MORN1: variants seen among roughly 807,000 people sequenced by gnomAD.
The protein encoded by MORN1 is MORN repeat containing 1.
Under a neutral mutation model 61.9 loss-of-function variants are expected in MORN1, and 67 were observed. The ratio of observed to expected loss-of-function variants is 1.08; its 90% CI spans 0.89 to 1.33. MORN1 has a LOEUF of 1.33. MORN1 is among the 40% of genes most tolerant of loss of function. The probability of loss-of-function intolerance (pLI) is 0.00; values close to 1 mark genes in which losing one functional copy is unlikely to be tolerated. For missense variants in MORN1, 752 were observed against 691.2 expected, an observed-to-expected ratio of 1.09 and a Z score of -0.99; for synonymous variants, 301 against 292.0, an observed-to-expected ratio of 1.03 and a Z score of -0.31.
In MORN1 at chr1:2,385,017, T is replaced by C. The variant is rs773474726; in HGVS notation, c.498A>G (p.Gly166=). The change falls in exon 6 of 14, where the codon GGA becomes GGG. Residue 166 remains glycine (G), a synonymous_variant. Transcript: ENST00000378531. ...CGTCGGCGCAGCGCAGCACCCCGTG[T>C]CCCTGACGCCGGTCCCGGACCCAGT... ...DGDWVRDRRQ[G]HGVLRCADGS... 1 of 1,598,536 alleles carries C rather than the reference T, an allele frequency of 6.3e-7. No homozygotes were observed. The highest frequency in any genetic ancestry group is 1.1e-5 in the South Asian group (1 of 88,654).
intron 6 of MORN1, among the ~76,000 whole-genome samples, chr1:2,381,691 A>C (rs1642374383): frequency 6.6e-6 from 1 of 152,154 alleles, no homozygotes; most frequent in Admixed American, 6.5e-5. Flanking sequence ...TGCAGAATTC[A>C]AGGTTTTACC....
At chr1:2,350,336 T>C (rs2100287988) in intron 10 of MORN1, 1 of 152,208 alleles carries the variant, frequency 6.6e-6, no homozygotes, top group East Asian at 1.9e-4. Flanking sequence ...ACTGAAATAT[T>C]TCATATCAAC....
chr1:2,381,899 T>C (rs549291374), intron 6 of MORN1, among the ~76,000 whole-genome samples: 1 of 152,286 alleles, frequency 6.6e-6, no homozygotes, highest in African/African-American at 2.4e-5. Flanking sequence ...GCCAGTGTGG[T>C]GCCGGGACAG....
At chr1:2,363,966 A>G (rs1641950466) in intron 8 of MORN1, among the ~76,000 whole-genome samples, 1 of 152,098 alleles carries the variant, frequency 6.6e-6, no homozygotes, top group African/African-American at 2.4e-5. Flanking sequence ...TGTGTCAATA[A>G]CCATATTAAA....
intron 8 of MORN1, among the ~76,000 whole-genome samples, chr1:2,370,078 T>C (rs997731340): frequency 2.0e-5 from 3 of 152,214 alleles, no homozygotes; most frequent in Non-Finnish European, 4.4e-5. Context: ...ACTCTCCAAT[T>C]GGAAAACGTG....
intron 8 of MORN1, among the ~76,000 whole-genome samples, chr1:2,360,861 C>G (rs1641878342): frequency 6.6e-6 from 1 of 152,210 alleles, no homozygotes; most frequent in South Asian, 2.1e-4. Flanking sequence ...CGGGGGCAAG[C>G]TTTCAGAAGG....
chr1:2,388,378 G>T, intron 2 of MORN1, 41 bp from the exon 3 acceptor site: 1 of 1,514,590 alleles, frequency 6.6e-7, no homozygotes, highest in Non-Finnish European at 9.2e-7. Flanking sequence ...ACAGTGGTTG[G>T]GTTGACTGCG....
chr1:2,325,605 C>G (rs1355577901), intron 12 of MORN1, among the ~76,000 whole-genome samples: 3 of 151,198 alleles, frequency 2.0e-5, no homozygotes, highest in Non-Finnish European at 4.4e-5. Flanking sequence ...ACCTCCGCCT[C>G]CCAAAGTGCT....
rs563591540 is a variant in MORN1 at position 2,386,056 on chromosome 1, C to T, written c.359-159G>A. The T allele has an allele frequency of 1.9e-4, 124 of 638,172 alleles. 1 individual carries two copies. The highest frequency in any genetic ancestry group is 1.1e-3 in the Admixed American group (45 of 40,824). The allele number at this position is 638,172 out of a possible 1,614,324, so 39.5% of individuals were successfully genotyped here. On this transcript the variant is annotated intron_variant, in intron 4 of 13. Transcript: ENST00000378531. ...CAGGAACATGACAGACCCTCCAGAC[C>T]TGGCTACACAGAGGCCTCAGCACGG...
intron 12 of MORN1, among the ~76,000 whole-genome samples, chr1:2,333,117 G>A (rs541867596): frequency 6.6e-6 from 1 of 152,364 alleles, no homozygotes; most frequent in African/African-American, 2.4e-5. Flanking sequence ...GTGTTGGGGG[G>A]CGTGACTGGG....
intron 10 of MORN1, among the ~76,000 whole-genome samples, chr1:2,342,833 T>TTA (rs1391976720): frequency 8.8e-5 from 11 of 124,580 alleles, no homozygotes; most frequent in South Asian, 5.5e-4. Context: ...ATATTTTATT[T>TTA]TATTTTATAT....
chr1:2,348,291 C>T (rs1389001334), intron 10 of MORN1, among the ~76,000 whole-genome samples: 3 of 152,198 alleles, frequency 2.0e-5, no homozygotes, highest in Non-Finnish European at 4.4e-5. Context: ...ATGGATGCGA[C>T]GCTCATGCCT....
intron 8 of MORN1, among the ~76,000 whole-genome samples, chr1:2,361,144 C>T (rs2100313182): frequency 6.6e-6 from 1 of 152,300 alleles, no homozygotes; most frequent in East Asian, 1.9e-4. Context: ...AAAAATCCAT[C>T]TACTGAAACC....
At chr1:2,335,839 A>AGCCCGGCCCGGCCCGGCCCG (rs534524869) in intron 12 of MORN1, among the ~76,000 whole-genome samples, 2 of 149,972 alleles carry the variant, frequency 1.3e-5, no homozygotes, top group African/African-American at 5.1e-5. Flanking sequence ...AGCCCAGCCC[A>AGCCCGGCCCGGCCCGGCCCG]GCCCAGCGCG....
At position 2,357,553 on chromosome 1, in the gene MORN1, C is replaced by T; in HGVS notation, c.915G>A (p.Gly305=). The part of the protein sequence containing the change: ...IPYPVSSPAA[G]VPGPRAAKGG... ...CCTTGGCAGCTCTGGGCCCCGGCAC[C>T]CCAGCTGCGGGGCTGGACACAGGAT... is the stretch of plus-strand genomic sequence containing the variant. Residue 305 remains glycine, a synonymous_variant, in exon 10 of 14, where the codon GGG becomes GGA. Coordinates refer to ENST00000378531, the MANE Select transcript of MORN1 (RefSeq NM_024848.3). This position sits in a 1 kb window ranked among gnomAD's most constrained non-coding sequence, Gnocchi z 6.3. 6.2e-7 allele frequency: 1 copy of T among 1,612,010 alleles called. No individual in the cohort carries two copies. Among genetic ancestry groups the T allele is most frequent in the Non-Finnish European group, 8.5e-7 (1 of 1,179,246 alleles).
intron 12 of MORN1, among the ~76,000 whole-genome samples, chr1:2,333,568 C>T (rs1641205546): frequency 6.6e-6 from 1 of 152,202 alleles, no homozygotes; most frequent in African/African-American, 2.4e-5. Flanking sequence ...CAGGGGTCTC[C>T]TGGGACTCCA....
chr1:2,350,127 T>C (rs564273340), intron 10 of MORN1, among the ~76,000 whole-genome samples: 45 of 152,278 alleles, frequency 3.0e-4, no homozygotes, highest in Non-Finnish European at 6.0e-4. Flanking sequence ...AAGCTGTGGG[T>C]GGGAATTACA....
rs569492283 is a variant in MORN1 at position 2,339,572 on chromosome 1, A to G, written c.1037-2722T>C. On this transcript the variant is annotated intron_variant, in intron 10 of 13. Coordinates refer to ENST00000378531, the MANE Select transcript of MORN1 (RefSeq NM_024848.3). ...CAGCTGCAGCAACAAGGCTGACATC[A>G]AAGCTGCCTTCAAAACATATCTGTA... Among the ~76,000 whole-genome samples, 56 of 152,264 alleles carry G rather than the reference A, an allele frequency of 3.7e-4. No individual in the cohort carries two copies. The South Asian group carries it at 0.011, about 30-fold the overall frequency.
At chr1:2,390,100 G>T in intron 1 of MORN1, 104 bp from the exon 2 acceptor site, 1 of 1,043,560 alleles carries the variant, frequency 9.6e-7, no homozygotes, top group Non-Finnish European at 1.5e-6. Flanking sequence ...CCTTCAAGGG[G>T]TTGGTACACG....
Sources: gnomAD v4.1 joint callset for allele counts (sites outside exome capture counted in the v4.1 genomes callset) on GRCh38, gnomAD v4.1.1 for gene constraint, Gnocchi (gnomAD v3.1) non-coding constraint, MANE v1.5 for transcripts, NCBI Gene and HGNC (gene_info 2026-07-23, HGNC 2026-07-21) for gene names.